The following XRN2 variants were observed in gnomAD, a reference collection of about 807,000 sequenced individuals.
The protein encoded by XRN2 is 5'-3' exoribonuclease 2.
In XRN2, 44 loss-of-function variants were observed where a neutral mutation model predicts 138.5. The ratio of observed to expected loss-of-function variants is 0.32; its 90% CI spans 0.25 to 0.41. The LOEUF (loss-of-function observed/expected upper bound fraction) is 0.41, where lower values mean the gene tolerates loss of function less well. Among genes scored for constraint, XRN2 ranks in the 10% least tolerant of loss-of-function variants. XRN2 has a pLI of 1.00. For missense variants in XRN2, 937 were observed against 1,169.3 expected (o/e 0.80, Z 2.90); for synonymous variants, 354 against 369.4 (o/e 0.96, Z 0.48).
intron 1 of XRN2, among the ~76,000 whole-genome samples, chr20:21,324,963 T>C (rs574600380): frequency 7.9e-5 from 12 of 152,218 alleles, no homozygotes; most frequent in Non-Finnish European, 1.3e-4. Flanking sequence ...TAATTAGCAG[T>C]TGCTACCCAT....
intron 20 of XRN2, among the ~76,000 whole-genome samples, chr20:21,352,015 T>C (rs1231901692): frequency 3.9e-5 from 6 of 152,248 alleles, no homozygotes; most frequent in Non-Finnish European, 7.3e-5. Context: ...TTATTCATAT[T>C]CAAGGTCCGT....
At chr20:21,304,540 TC>T (rs555771304) in intron 1 of XRN2, among the ~76,000 whole-genome samples, 4 of 152,192 alleles carry the variant, frequency 2.6e-5, no homozygotes, top group South Asian at 2.1e-4. Context: ...AAGCAACAGT[TC>T]TTGCTCTACC....
intron 24 of XRN2, among the ~76,000 whole-genome samples, chr20:21,359,805 T>TA (rs1237509286): frequency 6.6e-6 from 1 of 152,182 alleles, no homozygotes; most frequent in South Asian, 2.1e-4. Context: ...AACTTTAACT[T>TA]ACAATTTTCA....
At chr20:21,370,523 A>C (rs1037769467) in intron 27 of XRN2, among the ~76,000 whole-genome samples, 4 of 152,238 alleles carry the variant, frequency 2.6e-5, no homozygotes, top group Non-Finnish European at 5.9e-5. Flanking sequence ...GATCGTCATC[A>C]CTTAGTTGCC....
At chr20:21,366,783 A>G (rs893769033) in intron 26 of XRN2, among the ~76,000 whole-genome samples, 1 of 152,126 alleles carries the variant, frequency 6.6e-6, no homozygotes, top group Non-Finnish European at 1.5e-5. Context: ...ATAAAATACA[A>G]CTGTTTTGTA....
At chr20:21,323,256 A>G (rs1369780386) in intron 1 of XRN2, among the ~76,000 whole-genome samples, 1 of 152,158 alleles carries the variant, frequency 6.6e-6, no homozygotes, top group Non-Finnish European at 1.5e-5. Context: ...TTTCTCAGCC[A>G]CAAATTCTGG....
intron 24 of XRN2, 138 bp from the exon 25 acceptor site, chr20:21,365,283 A>T (rs578079659): frequency 2.1e-5 from 15 of 717,704 alleles, no homozygotes; most frequent in African/African-American, 2.0e-4. Flanking sequence ...GGTGAGGAAG[A>T]CATTTAGCCA....
chr20:21,320,552 G>A (rs1194186298), intron 1 of XRN2, among the ~76,000 whole-genome samples: 1 of 151,452 alleles, frequency 6.6e-6, no homozygotes, highest in African/African-American at 2.4e-5. Context: ...GCCTGACTTG[G>A]CCTCCCAAAG....
At chr20:21,373,663 T>G (rs1045183649) in intron 27 of XRN2, among the ~76,000 whole-genome samples, 4 of 152,252 alleles carry the variant, frequency 2.6e-5, no homozygotes, top group Non-Finnish European at 5.9e-5. Flanking sequence ...TTTGCACTTT[T>G]AGCTATTTGA....
intron 3 of XRN2, among the ~76,000 whole-genome samples, chr20:21,327,738 A>T (rs2038147468): frequency 6.6e-6 from 1 of 152,180 alleles, no homozygotes; most frequent in Non-Finnish European, 1.5e-5. Context: ...ATAAATGTAG[A>T]TACAGAACTT....
rs768331244 is a variant in XRN2 at position 21,356,652 on chromosome 20, A to G, written c.2185A>G (p.Ile729Val). 9.9e-6 allele frequency: 16 copies of G among 1,613,382 alleles called. No homozygotes were observed. Among genetic ancestry groups the G allele is most frequent in the Admixed American group, 3.3e-5 (2 of 59,962 alleles). ...QGKFSLDEEA[I>V]LPDQIVCSPV... is the part of the protein sequence containing the mutation. ...AAAGTTTTCTTTGGATGAAGAAGCC[A>G]TTCTTCCAGATCAGTAAGTTTCATT... Residue 729 changes from isoleucine (I) to valine (V), a missense_variant, in exon 23 of 30, where the codon ATT (isoleucine) becomes GTT (valine). Ile to Val is a conservative substitution (Grantham distance 29). Around this residue, in one of 6 missense-constraint regions of XRN2, gnomAD observed 372 missense variants for 414.4 expected, o/e 0.90. Transcript: ENST00000377191.
At chr20:21,305,462 T>C (rs7261172) in intron 1 of XRN2, among the ~76,000 whole-genome samples, 81,062 of 123,918 alleles carry the variant, frequency 0.65, 31,260 homozygotes, top group South Asian at 0.83. Flanking sequence ...GCCATGTTGG[T>C]CAGGCTGGTC....
At chr20:21,379,397 C>T (rs985002658) in intron 27 of XRN2, among the ~76,000 whole-genome samples, 1 of 152,116 alleles carries the variant, frequency 6.6e-6, no homozygotes, top group Non-Finnish European at 1.5e-5. Context: ...TTACTAAGAG[C>T]CATATGAAGA....
intron 11 of XRN2, 29 bp from the exon 12 acceptor site, chr20:21,333,908 A>C: frequency 6.2e-7 from 1 of 1,614,118 alleles, no homozygotes. Context: ...TACTGGTCCT[A>C]ATGCATAATG....
At chr20:21,345,317 A>T (rs1443640604) in intron 16 of XRN2, among the ~76,000 whole-genome samples, 1 of 152,214 alleles carries the variant, frequency 6.6e-6, no homozygotes, top group African/African-American at 2.4e-5. Context: ...AAATGCCTCT[A>T]CCAAGAAATG....
At chr20:21,352,871 T>C (rs989542965) in intron 20 of XRN2, among the ~76,000 whole-genome samples, 1 of 152,088 alleles carries the variant, frequency 6.6e-6, no homozygotes, top group African/African-American at 2.4e-5. Context: ...CCTCTGGGTA[T>C]TGAAAGAATT....
chr20:21,389,156 G>A lies in XRN2; in HGVS notation c.2788-117G>A, dbSNP rs958930888. ...CTTTTATGGGGCCTTTCCATGTGCT[G>A]TACCTTTAACACATACTCAGTTTCC... is the stretch of plus-strand genomic sequence containing the variant. On this transcript the variant is annotated intron_variant, in intron 29 of 29. Coordinates refer to ENST00000377191, the MANE Select transcript of XRN2 (RefSeq NM_012255.5). 5.7e-6 allele frequency: 5 copies of A among 880,886 alleles called. No homozygotes were observed. In the African/African-American group the frequency reaches 6.8e-5, roughly 12 times the overall value. The allele number at this position is 880,886 out of a possible 1,614,324, so 54.6% of individuals were successfully genotyped here.
rs1049778364 is a variant in XRN2, at chr20:21,351,848, C to T, written c.1936+2387C>T. On this transcript the variant is annotated intron_variant, in intron 20 of 29. Coordinates refer to ENST00000377191, the MANE Select transcript of XRN2 (RefSeq NM_012255.5). Reference sequence around the variant, plus strand: ...ACCACTTGTTGAAAAGACCATTCTTCCCCCCATTGAATAAGTTGGCACTCT... The same window carrying T: ...ACCACTTGTTGAAAAGACCATTCTTTCCCCCATTGAATAAGTTGGCACTCT... Among the ~76,000 whole-genome samples the T allele has an allele frequency of 2.6e-5, 4 of 152,140 alleles. No individual in the cohort carries two copies. The South Asian group carries it at 6.2e-4, about 24-fold the overall frequency.
intron 20 of XRN2, among the ~76,000 whole-genome samples, chr20:21,354,574 TTAAGAATGGAAAA>T (rs1403829406): frequency 1.3e-5 from 2 of 152,236 alleles, no homozygotes; most frequent in East Asian, 3.8e-4. Flanking sequence ...ATAAGCCATT[TTAAGAATGGAAAA>T]TACGTAGAAT....
Sources: allele counts gnomAD v4.1 joint callset (sites outside exome capture counted in the v4.1 genomes callset), GRCh38; gene constraint gnomAD v4.1.1; regional missense constraint gnomAD v4.1.1; transcripts MANE v1.5; gene names NCBI Gene and HGNC (gene_info 2026-07-23, HGNC 2026-07-21).